Variants in TTC1 observed in about 807,000 individuals in gnomAD.
TTC1 encodes the protein tetratricopeptide repeat domain 1, also known as tetratricopeptide repeat protein 1.
In TTC1, 31 loss-of-function variants were observed where a neutral mutation model predicts 37.6. The ratio of observed to expected loss-of-function variants is 0.82; its 90% CI spans 0.62 to 1.11. TTC1 has a LOEUF of 1.11. Among genes scored for constraint, TTC1 ranks in the 50% most tolerant of loss-of-function variants. TTC1 has a pLI of 0.00. For synonymous variants in TTC1, 127 were observed against 122.4 expected (o/e 1.04, Z -0.25); for missense variants, 351 against 339.0 (o/e 1.04, Z -0.28).
At chr5:160,040,688 C>T (rs1461650040) in intron 4 of TTC1, among the ~76,000 whole-genome samples, 2 of 152,078 alleles carry the variant, frequency 1.3e-5, no homozygotes, top group African/African-American at 4.8e-5. Flanking sequence ...ATGCGATCCT[C>T]CCACCTCAGC....
chr5:160,039,803 G>A (rs955627547), intron 4 of TTC1, among the ~76,000 whole-genome samples: 4 of 152,104 alleles, frequency 2.6e-5, no homozygotes, highest in African/African-American at 9.7e-5. Flanking sequence ...ATTACTTACA[G>A]GACTTCTTAG....
intron 5 of TTC1, among the ~76,000 whole-genome samples, chr5:160,045,769 G>GA (rs1251268547): frequency 6.6e-6 from 1 of 151,806 alleles, no homozygotes; most frequent in African/African-American, 2.4e-5. Flanking sequence ...TTGGGACAGA[G>GA]ACTCGCTCTG....
intron 7 of TTC1, among the ~76,000 whole-genome samples, chr5:160,063,227 AAAGGC>A (rs1412034461): frequency 6.6e-6 from 1 of 152,182 alleles, no homozygotes; most frequent in Non-Finnish European, 1.5e-5. Flanking sequence ...TGTAAAATGT[AAAGGC>A]CATGCGTTTT....
intron 2 of TTC1, among the ~76,000 whole-genome samples, chr5:160,031,359 C>A (rs931284517): frequency 1.3e-5 from 2 of 152,146 alleles, no homozygotes; most frequent in African/African-American, 4.8e-5. Context: ...CACCTGTAAT[C>A]CCAGAACTTT....
At chr5:160,052,449 C>G (rs1005594242) in intron 7 of TTC1, among the ~76,000 whole-genome samples, 2 of 147,780 alleles carry the variant, frequency 1.4e-5, no homozygotes, top group African/African-American at 5.0e-5. Context: ...ATGGTGCCAC[C>G]ACACTCCAGA....
At chr5:160,041,808 T>C (rs1042480014) in intron 4 of TTC1, among the ~76,000 whole-genome samples, 1 of 152,218 alleles carries the variant, frequency 6.6e-6, no homozygotes, top group African/African-American at 2.4e-5. Flanking sequence ...AACGTCATTG[T>C]ACAGTGCATG....
intron 5 of TTC1, among the ~76,000 whole-genome samples, chr5:160,047,670 G>A (rs1289819913): frequency 6.6e-6 from 1 of 152,090 alleles, no homozygotes; most frequent in East Asian, 1.9e-4. Context: ...TCCTTTCCCT[G>A]GCCAGGAAGG....
In TTC1 at chr5:160,036,680, C is replaced by T. The variant is rs75792355; in HGVS notation, c.392-11C>T. On this transcript the variant is annotated splice_polypyrimidine_tract_variant and intron_variant, in intron 3 of 7. Transcript: ENST00000231238. ...ATCAAAATGACCATTCATCCTTTCT[C>T]TTATCCTCAGATTATATAGAAGCTG... 62,191 of 1,578,050 alleles carry T rather than the reference C, an allele frequency of 0.039. 1,460 individuals carry two copies. Among genetic ancestry groups the T allele is most frequent in the Middle Eastern group, 0.1 (598 of 5,994 alleles).
At chr5:160,048,391 T>A (rs78240416) in intron 5 of TTC1, among the ~76,000 whole-genome samples, 2 of 152,164 alleles carry the variant, frequency 1.3e-5, no homozygotes, top group South Asian at 4.2e-4. Flanking sequence ...CTGACCCCAA[T>A]TGACCTGCCT....
chr5:160,051,225 A>G (rs1757396449), intron 7 of TTC1, 42 bp downstream of exon 7: 1 of 1,536,086 alleles, frequency 6.5e-7, no homozygotes, highest in Non-Finnish European at 8.9e-7. Context: ...AACAGCTAGG[A>G]ACCTAGGGTG....
At chr5:160,050,999 GATCA>G in intron 6 of TTC1, 126 bp from the exon 7 acceptor site, 1 of 646,150 alleles carries the variant, frequency 1.5e-6, no homozygotes, top group South Asian at 2.5e-5. Context: ...TATTTAATAG[GATCA>G]TAGACATACT....
At chr5:160,033,321 G>T (rs560367684) in intron 2 of TTC1, among the ~76,000 whole-genome samples, 1 of 152,160 alleles carries the variant, frequency 6.6e-6, no homozygotes, top group East Asian at 1.9e-4. Flanking sequence ...CCTGCTGTGT[G>T]TCTGGCACAT....
At chr5:160,061,518 T>A (rs1339985715) in intron 7 of TTC1, among the ~76,000 whole-genome samples, 1 of 152,218 alleles carries the variant, frequency 6.6e-6, no homozygotes, top group East Asian at 1.9e-4. Context: ...TAGTACATGT[T>A]GGTTGAATTA....
At chr5:160,024,443 C>T (rs1274758680) in intron 2 of TTC1, among the ~76,000 whole-genome samples, 1 of 152,132 alleles carries the variant, frequency 6.6e-6, no homozygotes, top group Non-Finnish European at 1.5e-5. Context: ...ATCATCTTTT[C>T]TGTTCCAGGA....
chr5:160,063,402 A>G (rs1434007714), intron 7 of TTC1: 1 of 152,488 alleles, frequency 6.6e-6, no homozygotes, highest in Non-Finnish European at 1.5e-5. Flanking sequence ...TTTTGTAGAT[A>G]CAGGGTCTCC....
intron 2 of TTC1, 98 bp downstream of exon 2, chr5:160,010,956 T>A: frequency 8.5e-7 from 1 of 1,180,954 alleles, no homozygotes; most frequent in African/African-American, 1.5e-5. Context: ...TGGTAAAGAA[T>A]AACTTGCCCC....
chr5:160,064,958 G>C lies in TTC1; in HGVS notation c.772G>C (p.Val258Leu). The change falls in exon 8 of 8, where the codon GTT (valine) becomes CTT (leucine). Residue 258 changes from valine to leucine, a missense_variant. Physicochemically the swap from Val to Leu is conservative, Grantham distance 32. Coordinates refer to ENST00000231238, the MANE Select transcript of TTC1 (RefSeq NM_003314.3). ...TAAATTAAAAGATCTTGGGAACTTG[G>C]TTCTCCGACCTTTTGGGCTCTCCAC... ...LGKLKDLGNL[V>L]LRPFGLSTEN... The C allele has an allele frequency of 6.2e-7, 1 of 1,613,512 alleles. No homozygotes were observed. Among genetic ancestry groups the C allele is most frequent in the Non-Finnish European group, 8.5e-7 (1 of 1,179,924 alleles).
chr5:160,043,607 C>T (rs1012788961), intron 5 of TTC1, among the ~76,000 whole-genome samples: 3 of 152,104 alleles, frequency 2.0e-5, no homozygotes, highest in African/African-American at 7.2e-5. Flanking sequence ...AAAAAGAAAA[C>T]TTCAGTGCTC....
At chr5:160,051,305 C>A in intron 7 of TTC1, 122 bp downstream of exon 7, 2 of 731,282 alleles carry the variant, frequency 2.7e-6, no homozygotes, top group Admixed American at 2.7e-5. Flanking sequence ...AGGCTACTGA[C>A]TTCTGAGTTA....
Sources: allele counts gnomAD v4.1 joint callset (sites outside exome capture counted in the v4.1 genomes callset), GRCh38; gene constraint gnomAD v4.1.1; transcripts MANE v1.5; gene names NCBI Gene and HGNC (gene_info 2026-07-23, HGNC 2026-07-21).